The following WHRN variants were observed in gnomAD, a reference collection of about 807,000 sequenced individuals.
WHRN encodes the protein whirlin.
WHRN carries 41 observed loss-of-function variants against 68.3 expected under a neutral mutation model. The observed-to-expected ratio is 0.60, with a 90% CI of 0.47 to 0.78. The LOEUF (loss-of-function observed/expected upper bound fraction) is 0.78. WHRN is among the 30% of genes least tolerant of loss of function. WHRN has a pLI of 0.00. For missense variants in WHRN, 1,243 were observed against 1,244.7 expected (o/e 1.00, Z 0.02); for synonymous variants, 560 against 561.3 (o/e 1.00, Z 0.03).
chr9:114,484,032 G>C (rs1476048041), intron 1 of WHRN, among the ~76,000 whole-genome samples: 1 of 152,178 alleles, frequency 6.6e-6, no homozygotes, highest in Non-Finnish European at 1.5e-5. Context: ...ATGCTGGCTG[G>C]TGTTGCTACC....
chr9:114,416,904 C>A (rs12343969), intron 7 of WHRN, among the ~76,000 whole-genome samples: 2,200 of 152,254 alleles, frequency 0.014, 31 homozygotes, highest in Middle Eastern at 0.041. Flanking sequence ...AGTCATCTGC[C>A]CAAGGTGACA....
intron 9 of WHRN, among the ~76,000 whole-genome samples, chr9:114,405,106 AC>A (rs1458180543): frequency 3.3e-5 from 4 of 119,614 alleles, no homozygotes; most frequent in African/African-American, 1.3e-4. Flanking sequence ...ACAGATTCTC[AC>A]TCTGTCATCT....
intron 1 of WHRN, among the ~76,000 whole-genome samples, chr9:114,493,823 C>A (rs1274230789): frequency 6.6e-6 from 1 of 152,166 alleles, no homozygotes; most frequent in African/African-American, 2.4e-5. Context: ...AAGCTGCAGC[C>A]TAGGTTTTCT....
intron 3 of WHRN, among the ~76,000 whole-genome samples, chr9:114,459,757 G>A (rs1840096368): frequency 6.6e-6 from 1 of 152,244 alleles, no homozygotes; most frequent in Admixed American, 6.5e-5. Flanking sequence ...TTCTGCACCA[G>A]ACACTCGATG....
chr9:114,485,357 G>C (rs1027355819), intron 1 of WHRN, among the ~76,000 whole-genome samples: 1 of 152,206 alleles, frequency 6.6e-6, no homozygotes, highest in African/African-American at 2.4e-5. Flanking sequence ...GTGACACTGA[G>C]CCAATTGCCT....
At chr9:114,420,347 A>C (rs1010753527) in intron 7 of WHRN, among the ~76,000 whole-genome samples, 16 of 152,198 alleles carry the variant, frequency 1.1e-4, no homozygotes, top group African/African-American at 3.9e-4. Flanking sequence ...GCTCTAAAGA[A>C]AAGACATTTG....
intron 3 of WHRN, among the ~76,000 whole-genome samples, chr9:114,452,757 C>T (rs1036998057): frequency 6.6e-6 from 1 of 152,196 alleles, no homozygotes; most frequent in Non-Finnish European, 1.5e-5. Flanking sequence ...CCATCTTCAG[C>T]TCCTCCCTGA....
At chr9:114,470,246 C>T (rs1197527525) in intron 2 of WHRN, among the ~76,000 whole-genome samples, 3 of 152,304 alleles carry the variant, frequency 2.0e-5, no homozygotes, top group Non-Finnish European at 4.4e-5. Context: ...CCCAGAAATA[C>T]GACCAATGAG....
At chr9:114,419,452 C>T (rs965220798) in intron 7 of WHRN, among the ~76,000 whole-genome samples, 1 of 152,238 alleles carries the variant, frequency 6.6e-6, no homozygotes, top group East Asian at 1.9e-4. Flanking sequence ...TCGCTGCCCT[C>T]AAGCAGTCAG....
chr9:114,472,104 C>G (rs1240228858), intron 2 of WHRN, among the ~76,000 whole-genome samples: 12 of 152,296 alleles, frequency 7.9e-5, no homozygotes. Flanking sequence ...CCAAAAGCAC[C>G]CCTAACTGAT....
chr9:114,501,919 G>A (rs1428231553), intron 1 of WHRN, among the ~76,000 whole-genome samples: 1 of 152,202 alleles, frequency 6.6e-6, no homozygotes. Context: ...TTTCAGTTAA[G>A]GGGCTTTTCG....
intron 1 of WHRN, among the ~76,000 whole-genome samples, chr9:114,495,887 G>A: frequency 6.6e-6 from 1 of 152,200 alleles, no homozygotes; most frequent in African/African-American, 2.4e-5. Flanking sequence ...CAGGAGGATG[G>A]ACATGGCAGA....
chr9:114,471,637 C>A (rs372434960), intron 2 of WHRN, among the ~76,000 whole-genome samples: 2 of 152,338 alleles, frequency 1.3e-5, no homozygotes, highest in South Asian at 4.1e-4. Context: ...TCCCTTCCTG[C>A]CTTGCCACGG....
At position 114,481,345 on chromosome 9, in the gene WHRN, G is replaced by T. The variant is rs1564208974; in HGVS notation, c.619-2574C>A. On this transcript the variant is annotated intron_variant, in intron 1 of 11. Transcript: ENST00000362057. ...TCTCCAAAATTCTGCTTTTATAAAA[G>T]ATTTTTGTGAAGATGCACAGGGTAA... Among the ~76,000 whole-genome samples the T allele has an allele frequency of 2.6e-5, 4 of 152,220 alleles. No homozygotes were observed. The South Asian group carries it at 8.3e-4, about 31-fold the overall frequency.
At chr9:114,485,101 A>G (rs1302870933) in intron 1 of WHRN, among the ~76,000 whole-genome samples, 1 of 152,222 alleles carries the variant, frequency 6.6e-6, no homozygotes, top group Non-Finnish European at 1.5e-5. Context: ...AGTCTCAAGC[A>G]AGGACACGTA....
In WHRN at chr9:114,406,892, C is replaced by A. The variant is rs1237986740; in HGVS notation, c.1699G>T (p.Asp567Tyr). The A allele has an allele frequency of 1.9e-6, 3 of 1,570,348 alleles. No homozygotes were observed. The highest frequency in any genetic ancestry group is 2.6e-6 in the Non-Finnish European group (3 of 1,157,748). Residue 567 changes from aspartate to tyrosine, a missense_variant and splice_region_variant, in exon 9 of 12, where the codon GAT becomes TAT. Asp to Tyr is a radical substitution (Grantham distance 160, BLOSUM62 -3). Coordinates refer to ENST00000362057, the MANE Select transcript of WHRN (RefSeq NM_015404.4). ...NINALPDVSV[D>Y]DVRSTSQGLS... is the part of the protein sequence containing the mutation. ...CCCTGGGAGGTGGATCTGACATCAT[C>A]CTGCCAAAAGACCCAACAGGCGGAG...
chr9:114,462,472 C>T (rs1554728911), intron 3 of WHRN, among the ~76,000 whole-genome samples: 1 of 152,190 alleles, frequency 6.6e-6, no homozygotes, highest in Non-Finnish European at 1.5e-5. Context: ...CACCTTCACA[C>T]AGCCGGTCAG....
intron 1 of WHRN, among the ~76,000 whole-genome samples, chr9:114,485,070 G>C (rs1842373171): frequency 6.6e-6 from 1 of 152,218 alleles, no homozygotes; most frequent in African/African-American, 2.4e-5. Context: ...AGGAGCACGT[G>C]CAACAGAGGT....
chr9:114,444,795 A>AAT lies in WHRN; in HGVS notation c.964-18384_964-18383dup, dbSNP rs755390635. ...TGAAGGATCTGAATGCTATATATAT[A>AAT]ATATATATATATATGCACACCTCTA... On this transcript the variant is annotated intron_variant, in intron 3 of 11. Transcript: ENST00000362057. Among the ~76,000 whole-genome samples the AAT allele has an allele frequency of 7.4e-3, 1,117 of 150,376 alleles. 7 individuals are homozygous for AAT. Among genetic ancestry groups the AAT allele is most frequent in the African/African-American group, 0.019 (777 of 41,048 alleles).
Sources: allele counts gnomAD v4.1 joint callset (sites outside exome capture counted in the v4.1 genomes callset), GRCh38; gene constraint gnomAD v4.1.1; transcripts MANE v1.5; gene names NCBI Gene and HGNC (gene_info 2026-07-23, HGNC 2026-07-21).